Variants in TAFA2 observed in about 807,000 individuals in gnomAD.
The protein encoded by TAFA2 is chemokine-like protein TAFA-2.
TAFA2 carries 7 observed loss-of-function variants against 18.8 expected under a neutral mutation model. The observed-to-expected ratio is 0.37, with a 90% CI of 0.21 to 0.70. The LOEUF is 0.70. Among genes scored for constraint, TAFA2 ranks in the 30% least tolerant of loss-of-function variants. The pLI is 0.53. For synonymous variants in TAFA2, 60 were observed against 54.2 expected (o/e 1.11, Z -0.47); for missense variants, 122 against 158.1 (o/e 0.77, Z 1.23).
intron 1 of TAFA2, among the ~76,000 whole-genome samples, chr12:61,963,519 C>T (rs562708417): frequency 1.3e-5 from 2 of 151,942 alleles, no homozygotes; most frequent in African/African-American, 4.8e-5. Flanking sequence ...TGTTCATATC[C>T]TTCACCCACT....
chr12:61,956,931 A>G (rs1055110719), intron 1 of TAFA2, among the ~76,000 whole-genome samples: 9 of 152,298 alleles, frequency 5.9e-5, no homozygotes, highest in African/African-American at 2.2e-4. Flanking sequence ...CTCACACATT[A>G]TCTACCAAAG....
chr12:61,721,384 T>C (rs6581420), intron 4 of TAFA2, among the ~76,000 whole-genome samples: 74,192 of 152,020 alleles, frequency 0.49, 18,255 homozygotes, highest in East Asian at 0.6. Flanking sequence ...TTTGTGATCT[T>C]AACCATTCAT....
At chr12:62,014,311 A>C (rs1732365) in intron 1 of TAFA2, among the ~76,000 whole-genome samples, 1 of 152,056 alleles carries the variant, frequency 6.6e-6, no homozygotes, top group Non-Finnish European at 1.5e-5. Flanking sequence ...ATTTATTTTG[A>C]GTTTGTGAGC....
intron 1 of TAFA2, among the ~76,000 whole-genome samples, chr12:62,066,372 C>T (rs1227471066): frequency 6.6e-6 from 1 of 151,828 alleles, no homozygotes; most frequent in Admixed American, 6.6e-5. Flanking sequence ...GTTGTGCTAA[C>T]AAACGCTAGG....
rs148206799 is a variant in TAFA2, at chr12:61,971,464, G to A, written c.-1-104038C>T. On this transcript the variant is annotated intron_variant, in intron 1 of 4. Coordinates refer to ENST00000416284, the MANE Select transcript of TAFA2 (RefSeq NM_178539.5). ...TAACAAATCTGCACGTTGTGCACAC[G>A]TACCCTAAAACTTAAAGTATAATAA... is the stretch of plus-strand genomic sequence containing the variant. 7.2e-3 allele frequency among the ~76,000 whole-genome samples: 1,091 copies of A among 151,438 alleles called. 19 individuals are homozygous for A. The highest frequency in any genetic ancestry group is 0.025 in the African/African-American group (1,014 of 41,300).
chr12:61,857,971 T>C (rs553028248), intron 2 of TAFA2, among the ~76,000 whole-genome samples: 131 of 152,298 alleles, frequency 8.6e-4, no homozygotes, highest in African/African-American at 3.0e-3. Context: ...TAGGGTACTA[T>C]GGATGCCCAT....
intron 2 of TAFA2, among the ~76,000 whole-genome samples, chr12:61,843,694 A>G (rs1468240105): frequency 6.6e-6 from 1 of 152,156 alleles, no homozygotes; most frequent in African/African-American, 2.4e-5. Flanking sequence ...GCCAGATGTT[A>G]CCTTCAAGTT....
chr12:61,727,669 G>A (rs1266813159), intron 4 of TAFA2, among the ~76,000 whole-genome samples: 1 of 151,864 alleles, frequency 6.6e-6, no homozygotes, highest in Non-Finnish European at 1.5e-5. Context: ...CAAAGAATCA[G>A]CTTTTTGTTT....
At chr12:62,012,625 T>G (rs934803946) in intron 1 of TAFA2, among the ~76,000 whole-genome samples, 2 of 152,114 alleles carry the variant, frequency 1.3e-5, no homozygotes, top group Admixed American at 6.6e-5. Flanking sequence ...CATCTCAGAC[T>G]TTGTCTTATT....
At chr12:61,893,219 C>T in intron 1 of TAFA2, among the ~76,000 whole-genome samples, 1 of 152,106 alleles carries the variant, frequency 6.6e-6, no homozygotes, top group Non-Finnish European at 1.5e-5. Context: ...ATAGGATGAG[C>T]TTAAACAAGT....
chr12:61,905,938 T>C (rs756020311), intron 1 of TAFA2, among the ~76,000 whole-genome samples: 3 of 152,216 alleles, frequency 2.0e-5, no homozygotes, highest in Non-Finnish European at 4.4e-5. Flanking sequence ...TGAGTATACA[T>C]GGAGAAAGCC....
intron 1 of TAFA2, among the ~76,000 whole-genome samples, chr12:61,885,242 G>C (rs1875324135): frequency 6.6e-6 from 1 of 152,144 alleles, no homozygotes. Context: ...GTTCCTTCTA[G>C]CATATCATCC....
At chr12:61,984,279 A>T (rs1269836456) in intron 1 of TAFA2, among the ~76,000 whole-genome samples, 1 of 152,224 alleles carries the variant, frequency 6.6e-6, no homozygotes, top group African/African-American at 2.4e-5. Context: ...AAGATCCAAT[A>T]ACAAGAGAGC....
intron 1 of TAFA2, among the ~76,000 whole-genome samples, chr12:62,074,209 G>T (rs17125859): frequency 0.012 from 1,863 of 152,296 alleles, 50 homozygotes; most frequent in African/African-American, 0.043. Context: ...ATTAATTTTA[G>T]GTTTCTGTGC....
At chr12:61,864,844 C>G (rs1048009450) in intron 2 of TAFA2, among the ~76,000 whole-genome samples, 2 of 150,858 alleles carry the variant, frequency 1.3e-5, no homozygotes, top group Admixed American at 1.3e-4. Context: ...CTGTAATGCT[C>G]TTTAGTGCTG....
chr12:61,755,908 A>T (rs1042682180), intron 2 of TAFA2, among the ~76,000 whole-genome samples: 12 of 152,098 alleles, frequency 7.9e-5, no homozygotes, highest in Non-Finnish European at 1.3e-4. Context: ...TTGCCTGCTA[A>T]AATTAAAAAC....
intron 1 of TAFA2, among the ~76,000 whole-genome samples, chr12:61,885,735 G>A (rs542388642): frequency 1.3e-5 from 2 of 152,314 alleles, no homozygotes; most frequent in African/African-American, 4.8e-5. Flanking sequence ...GAAATAATTT[G>A]AAGTTCTCTG....
chr12:61,924,106 C>A (rs557396812), intron 1 of TAFA2, among the ~76,000 whole-genome samples: 1 of 151,878 alleles, frequency 6.6e-6, no homozygotes, highest in Non-Finnish European at 1.5e-5. Flanking sequence ...ACCAACCCTA[C>A]GTTTCATTGG....
chr12:62,017,283 C>T (rs1880969621), intron 1 of TAFA2, among the ~76,000 whole-genome samples: 1 of 151,686 alleles, frequency 6.6e-6, no homozygotes, highest in South Asian at 2.1e-4. Context: ...ATACTGATAC[C>T]ACTATTTAAT....
Sources: gnomAD v4.1 joint callset for allele counts (sites outside exome capture counted in the v4.1 genomes callset) on GRCh38, gnomAD v4.1.1 for gene constraint, MANE v1.5 for transcripts, NCBI Gene and HGNC (gene_info 2026-07-23, HGNC 2026-07-21) for gene names.